GSTZ1: variants seen among roughly 807,000 people sequenced by gnomAD.
The protein encoded by GSTZ1 is glutathione S-transferase zeta 1.
GSTZ1 carries 34 observed loss-of-function variants against 35.9 expected under a neutral mutation model. The observed-to-expected ratio is 0.95, with a 90% CI of 0.72 to 1.26. The LOEUF is 1.26. GSTZ1 is among the 50% of genes most tolerant of loss of function. The pLI is 0.00. For synonymous variants in GSTZ1, 93 were observed against 101.2 expected (o/e 0.92, Z 0.49); for missense variants, 263 against 271.7 (o/e 0.97, Z 0.23).
intron 5 of GSTZ1, 174 bp from the exon 6 acceptor site, chr14:77,328,949 T>C: frequency 1.7e-6 from 1 of 571,754 alleles, no homozygotes; most frequent in Non-Finnish European, 3.0e-6. Context: ...GATGGCTACC[T>C]CCCTCCAACC....
At chr14:77,323,070 A>C (rs944973366) in intron 1 of GSTZ1, 1 of 152,252 alleles carries the variant, frequency 6.6e-6, no homozygotes, top group Non-Finnish European at 1.5e-5. Flanking sequence ...CTCCCGAAGA[A>C]GTACCAGAGA....
chr14:77,330,204 GA>G (rs774325640), intron 7 of GSTZ1, 105 bp from the exon 8 acceptor site: 66 of 845,926 alleles, frequency 7.8e-5, no homozygotes, highest in Non-Finnish European at 1.2e-4. Context: ...TGAAAGAGCC[GA>G]AGCAGATTGT....
intron 1 of GSTZ1, 105 bp from the exon 2 acceptor site, chr14:77,324,765 C>T: frequency 2.4e-6 from 3 of 1,234,396 alleles, no homozygotes; most frequent in Non-Finnish European, 3.6e-6. Flanking sequence ...CAGATGCAGG[C>T]CTGAGAGAGG....
At position 77,321,203 on chromosome 14, in the gene GSTZ1, G is replaced by A; in HGVS notation, c.15+20G>A. On this transcript the variant is annotated intron_variant, in intron 1 of 8. Coordinates refer to ENST00000216465, the MANE Select transcript of GSTZ1 (RefSeq NM_145870.3). ...GGGAAGGTCTGTGACGCGCACCCGG[G>A]TGGAGGGAAGCTGGTTAGACACCTG... 6.7e-7 allele frequency: 1 copy of A among 1,497,638 alleles called. No individual in the cohort carries two copies. Among genetic ancestry groups the A allele is most frequent in the Non-Finnish European group, 9.0e-7 (1 of 1,115,970 alleles). The allele number at this position is 1,497,638 out of a possible 1,614,324, so 92.8% of individuals were successfully genotyped here. A position where few individuals can be genotyped will look rare whatever the true frequency, so the allele number is the denominator to read the frequency against.
intron 1 of GSTZ1, chr14:77,323,736 T>A (rs1892150634): frequency 6.6e-6 from 1 of 152,260 alleles, no homozygotes; most frequent in African/African-American, 2.4e-5. Flanking sequence ...AGGGCCCCAG[T>A]GAGCTGCCAG....
intron 3 of GSTZ1, 32 bp from the exon 4 acceptor site, chr14:77,327,439 GC>G: frequency 6.7e-7 from 1 of 1,482,256 alleles, no homozygotes; most frequent in Middle Eastern, 1.8e-4. Context: ...CTCAGGCCAG[GC>G]CACCCAGCCC....
At chr14:77,321,382 G>A (rs1891954620) in intron 1 of GSTZ1, 199 bp downstream of exon 1, 1 of 1,530,436 alleles carries the variant, frequency 6.5e-7, no homozygotes, top group Non-Finnish European at 8.7e-7. Flanking sequence ...TTGGGCCAGA[G>A]GAGGCGGTCC....
chr14:77,322,563 C>G (rs1261860071), intron 1 of GSTZ1: 1 of 981,752 alleles, frequency 1.0e-6, no homozygotes, highest in Non-Finnish European at 1.2e-6. Context: ...CCAGCAGTCC[C>G]TGTCCCTTGG....
chr14:77,331,459 G>A lies in GSTZ1; in HGVS notation c.*264G>A, dbSNP rs978230530. ...AGTCGTGAGGCTGAGATGAGAATGC[G>A]GATTAAAATGCCTGGCGTGCTCACC... On this transcript the variant is annotated 3_prime_UTR_variant, in exon 9 of 9. Coordinates refer to ENST00000216465, the MANE Select transcript of GSTZ1 (RefSeq NM_145870.3). The A allele has an allele frequency of 1.1e-4, 44 of 407,688 alleles. No individual in the cohort carries two copies. Among genetic ancestry groups the A allele is most frequent in the Middle Eastern group, 6.5e-4 (1 of 1,546 alleles). The allele number at this position is 407,688 out of a possible 1,614,324, so 25.3% of individuals were successfully genotyped here.
chr14:77,324,455 C>G (rs1892198984), intron 1 of GSTZ1: 1 of 718,930 alleles, frequency 1.4e-6, no homozygotes, highest in Admixed American at 2.0e-5. Context: ...CAGAAATGCC[C>G]TTTCTGACCA....
At chr14:77,326,787 G>T in intron 2 of GSTZ1, 51 bp from the exon 3 acceptor site, 1 of 1,332,898 alleles carries the variant, frequency 7.5e-7, no homozygotes, top group East Asian at 2.4e-5. Flanking sequence ...TTTCCTTTAA[G>T]AGTACGGCGA....
chr14:77,328,278 T>C, intron 5 of GSTZ1: 1 of 522,102 alleles, frequency 1.9e-6, no homozygotes, highest in Non-Finnish European at 3.5e-6. Flanking sequence ...GTACAGGTGC[T>C]TGGGGTGGGG....
intron 4 of GSTZ1, 52 bp from the exon 5 acceptor site, chr14:77,327,860 T>TG: frequency 6.3e-7 from 1 of 1,589,794 alleles, no homozygotes; most frequent in Non-Finnish European, 8.6e-7. Flanking sequence ...CTGTCCCCTC[T>TG]GGTCCAGGGG....
chr14:77,330,076 C>T (rs1892540275), intron 7 of GSTZ1: 1 of 679,774 alleles, frequency 1.5e-6, no homozygotes, highest in Non-Finnish European at 2.7e-6. Flanking sequence ...TTCTCTGGCC[C>T]TCTCAACCCA....
In GSTZ1 at chr14:77,330,266, C is replaced by T. The variant is rs1555358133; in HGVS notation, c.475-44C>T. 6.3e-6 allele frequency: 9 copies of T among 1,424,806 alleles called. No individual in the cohort carries two copies. The Admixed American group carries it at 1.5e-4, about 24-fold the overall frequency. The allele number at this position is 1,424,806 out of a possible 1,614,324, so 88.3% of individuals were successfully genotyped here. On this transcript the variant is annotated intron_variant, in intron 7 of 8. Transcript: ENST00000216465. ...GACACACCCAGTCCAGCCACTGACT[C>T]TGGGGTATGCACCCTGATGGGAACC...
chr14:77,327,444 C>T (rs765476714), intron 3 of GSTZ1, 28 bp from the exon 4 acceptor site: 74 of 1,530,038 alleles, frequency 4.8e-5, no homozygotes, highest in Non-Finnish European at 6.2e-5. Flanking sequence ...GCCAGGCCAC[C>T]CAGCCCACCA....
chr14:77,324,847 G>T (rs369454433), intron 1 of GSTZ1, 23 bp from the exon 2 acceptor site: 4 of 1,612,714 alleles, frequency 2.5e-6, no homozygotes, highest in Non-Finnish European at 3.4e-6. Context: ...GTTAACACGC[G>T]CCTTCATCCT....
intron 1 of GSTZ1, chr14:77,322,760 G>C (rs1269189053): frequency 1.0e-6 from 1 of 975,520 alleles, no homozygotes; most frequent in Admixed American, 6.1e-5. Flanking sequence ...TGGGACTGCT[G>C]GGCTTGGGAA....
chr14:77,329,102 G>C, intron 5 of GSTZ1, 21 bp from the exon 6 acceptor site: 2 of 1,586,044 alleles, frequency 1.3e-6, no homozygotes, highest in Non-Finnish European at 1.7e-6. Flanking sequence ...CGCAATCACA[G>C]ATTTTCTTTG....
Sources: allele counts gnomAD v4.1 joint callset, GRCh38; gene constraint gnomAD v4.1.1; transcripts MANE v1.5; gene names NCBI Gene and HGNC (gene_info 2026-07-23, HGNC 2026-07-21).